DLGAP4: variants seen among roughly 807,000 people sequenced by gnomAD.
The protein encoded by DLGAP4 is DLG associated protein 4.
Under a neutral mutation model 86.9 loss-of-function variants are expected in DLGAP4, and 18 were observed. That is an observed-to-expected ratio of 0.21 (90% confidence interval 0.14 to 0.31). DLGAP4 has a LOEUF of 0.31. Among genes scored for constraint, DLGAP4 ranks in the 10% least tolerant of loss-of-function variants. DLGAP4 has a pLI of 1.00. For missense variants in DLGAP4, 1,085 were observed against 1,362.6 expected, an observed-to-expected ratio of 0.80 and a Z score of 3.21; for synonymous variants, 548 against 574.3, an observed-to-expected ratio of 0.95 and a Z score of 0.65.
intron 7 of DLGAP4, among the ~76,000 whole-genome samples, chr20:36,494,427 T>TTTTA (rs2035794762): frequency 6.6e-6 from 1 of 152,240 alleles, no homozygotes; most frequent in Non-Finnish European, 1.5e-5. Flanking sequence ...TTAAATTAAA[T>TTTTA]TTTATTTTTA....
At chr20:36,349,869 A>T (rs964097805) in intron 1 of DLGAP4, among the ~76,000 whole-genome samples, 1 of 152,198 alleles carries the variant, frequency 6.6e-6, no homozygotes. Context: ...AAATTCCCCA[A>T]GGTATTTCCG....
intron 11 of DLGAP4, chr20:36,525,411 G>A: frequency 9.0e-6 from 2 of 221,164 alleles, no homozygotes; most frequent in Non-Finnish European, 1.8e-5. Context: ...GTGAGTGTTT[G>A]TCTCCAAGAC....
chr20:36,452,715 C>T (rs535781653), intron 7 of DLGAP4, among the ~76,000 whole-genome samples: 9 of 151,188 alleles, frequency 6.0e-5, no homozygotes, highest in South Asian at 2.1e-4. Flanking sequence ...TCATCATGTT[C>T]GCTACGCTGG....
chr20:36,436,431 C>G (rs954372515), intron 4 of DLGAP4, 81 bp downstream of exon 4: 8 of 1,452,624 alleles, frequency 5.5e-6, no homozygotes, highest in Non-Finnish European at 5.4e-6. Flanking sequence ...GGGAGGAGCC[C>G]TGCATTAAAA....
At position 36,442,754 on chromosome 20, in the gene DLGAP4, C is replaced by A; in HGVS notation, c.1384C>A (p.Gln462Lys). The change falls in exon 6 of 13, where the codon CAG becomes AAG. Residue 462 changes from glutamine (Q) to lysine (K), a missense_variant. Around this residue, in one of 2 missense-constraint regions of DLGAP4, gnomAD observed 1,082 missense variants for 1,344.1 expected, o/e 0.81. Transcript: ENST00000339266. Reference protein sequence around the residue: ...QIFGQASLIPQLFGHEQQVRE... With the variant: ...QIFGQASLIPKLFGHEQQVRE... ...TTTTGGACAGGCCTCCCTGATCCCC[C>A]AGTTGTTTGGCCATGAGCAGCAGGT... 6.2e-7 allele frequency: 1 copy of A among 1,614,202 alleles called. No individual in the cohort carries two copies.
intron 10 of DLGAP4, among the ~76,000 whole-genome samples, chr20:36,517,755 A>G (rs1016911608): frequency 8.5e-5 from 13 of 152,102 alleles, no homozygotes; most frequent in Admixed American, 6.5e-4. Flanking sequence ...AATTTATGAT[A>G]TATTATTTTA....
chr20:36,367,459 C>G (rs2030729810), intron 2 of DLGAP4, among the ~76,000 whole-genome samples, 184 bp downstream of exon 2: 1 of 152,216 alleles, frequency 6.6e-6, no homozygotes, highest in South Asian at 2.1e-4. Context: ...CTCCCAACAA[C>G]CAGGAGGTGC....
intron 2 of DLGAP4, among the ~76,000 whole-genome samples, chr20:36,407,511 C>A (rs753951832): frequency 5.9e-5 from 9 of 152,040 alleles, no homozygotes; most frequent in Non-Finnish European, 1.0e-4. Flanking sequence ...GAGAAGACTC[C>A]AGAGTTGCTG....
chr20:36,320,836 C>T (rs1212305039), intron 1 of DLGAP4, among the ~76,000 whole-genome samples: 1 of 152,214 alleles, frequency 6.6e-6, no homozygotes, highest in Non-Finnish European at 1.5e-5. Context: ...CCACATCTCT[C>T]TAACTCTTTA....
intron 2 of DLGAP4, among the ~76,000 whole-genome samples, chr20:36,409,401 T>A (rs1261040885): frequency 2.8e-5 from 3 of 107,626 alleles, no homozygotes; most frequent in Non-Finnish European, 5.5e-5. Context: ...TTTAAGACTT[T>A]TTTTTTTTAA....
rs150817921 is a variant in DLGAP4 at position 36,322,586 on chromosome 20, G to A, written c.-304+16074G>A. On this transcript the variant is annotated intron_variant, in intron 1 of 12. Coordinates refer to ENST00000339266, the MANE Select transcript of DLGAP4 (RefSeq NM_001365621.2). ...AATAAAGTGCGTAGGACAGCACGTG[G>A]CACACAGCAAGTGCTTATAAATGGT... Among the ~76,000 whole-genome samples the A allele has an allele frequency of 2.2e-4, 33 of 152,230 alleles. No homozygotes were observed. In the East Asian group the frequency reaches 6.4e-3, roughly 29 times the overall value.
At chr20:36,351,274 A>G (rs886761219) in intron 1 of DLGAP4, among the ~76,000 whole-genome samples, 2 of 152,118 alleles carry the variant, frequency 1.3e-5, no homozygotes, top group Non-Finnish European at 1.5e-5. Context: ...GGGGTCCCCA[A>G]CCCTTGGGCC....
rs1391514161 is a variant in DLGAP4 at position 36,436,296 on chromosome 20, A to G, written c.1187A>G (p.Gln396Arg). The G allele has an allele frequency of 1.2e-6, 2 of 1,604,512 alleles. No homozygotes were observed. Among genetic ancestry groups the G allele is most frequent in the Non-Finnish European group, 1.7e-6 (2 of 1,179,094 alleles). Residue 396 changes from glutamine to arginine, a missense_variant, in exon 4 of 13, where the codon CAG becomes CGG. Gln to Arg is a conservative substitution (Grantham distance 43). Around this residue, in one of 2 missense-constraint regions of DLGAP4, gnomAD observed 1,082 missense variants for 1,344.1 expected, o/e 0.81. Coordinates refer to ENST00000339266, the MANE Select transcript of DLGAP4 (RefSeq NM_001365621.2). ...KPSPKTAARR[Q>R]SYLRATQQSL... ...TCACCCAAGACCGCGGCGCGGCGCC[A>G]GAGCTATCTGAGGGCCACGCAGCAG...
Position 36,317,284 on chromosome 20 carries a change from C to CTTTCT in DLGAP4, c.-304+10775_-304+10779dup, listed in dbSNP as rs2065115953. On this transcript the variant is annotated intron_variant, in intron 1 of 12. Coordinates refer to ENST00000339266, the MANE Select transcript of DLGAP4 (RefSeq NM_001365621.2). ...CTTTCTTTCTTTCTTTCTTATCTTT[C>CTTTCT]TTTCTTTCTTATCTTTCTTTCTTCC... Among the ~76,000 whole-genome samples, 2 of 9,810 alleles carry CTTTCT rather than the reference C, an allele frequency of 2.0e-4. 1 individual carries two copies. The highest frequency in any genetic ancestry group is 0.016 in the South Asian group (2 of 124). 6.4% of individuals were successfully genotyped at this position (9,810 alleles called of 152,430 possible). A position where few individuals can be genotyped will look rare whatever the true frequency, so the allele number is the denominator to read the frequency against.
chr20:36,374,417 T>C (rs2031070058), intron 2 of DLGAP4, among the ~76,000 whole-genome samples: 2 of 152,230 alleles, frequency 1.3e-5, no homozygotes, highest in South Asian at 4.1e-4. Flanking sequence ...GGAAAAACAA[T>C]GTGTCAAAGT....
intron 1 of DLGAP4, among the ~76,000 whole-genome samples, chr20:36,314,277 G>T (rs1465570825): frequency 6.7e-6 from 1 of 149,918 alleles, no homozygotes; most frequent in Non-Finnish European, 1.5e-5. Flanking sequence ...GAGTGCAGGC[G>T]GGGACAAGGA....
intron 7 of DLGAP4, among the ~76,000 whole-genome samples, chr20:36,474,134 G>A (rs1016972090): frequency 6.6e-6 from 1 of 152,246 alleles, no homozygotes; most frequent in African/African-American, 2.4e-5. Flanking sequence ...AGCTGCTGCT[G>A]TTACTGACAT....
chr20:36,527,101 G>GT lies in DLGAP4; in HGVS notation c.*74dup. 2 of 1,443,110 alleles carry GT rather than the reference G, an allele frequency of 1.4e-6. No homozygotes were observed. The highest frequency in any genetic ancestry group is 2.4e-5 in the East Asian group (1 of 42,374). The allele number at this position is 1,443,110 out of a possible 1,614,324, so 89.4% of individuals were successfully genotyped here. A position where few individuals can be genotyped will look rare whatever the true frequency, so the allele number is the denominator to read the frequency against. ...AAAAACTAAGTGCGAACGGAACAGA[G>GT]TTTTCTCAACCTTTGCTATGGTTAT... is the stretch of plus-strand genomic sequence containing the variant. On this transcript the variant is annotated 3_prime_UTR_variant, in exon 13 of 13. Transcript: ENST00000339266.
Position 36,525,864 on chromosome 20 carries a change from A to G in DLGAP4, c.2618A>G (p.Asn873Ser). The change falls in exon 12 of 13, where the codon AAC (asparagine) becomes AGC (serine). Residue 873 changes from asparagine (N) to serine (S), a missense_variant. By Grantham distance (46) the Asn-to-Ser change is conservative. This residue lies in a region of DLGAP4 where 1,082 missense variants were observed against 1,344.1 expected (regional missense o/e 0.81). Coordinates refer to ENST00000339266, the MANE Select transcript of DLGAP4 (RefSeq NM_001365621.2). ...LCEQNLNPDA[N>S]PRPTAQDLAG... Reference sequence around the variant, plus strand: ...TCTGGCCCACAGAACCCTGATGCCAACCCACGCCCCACAGCCCAGGACCTG... The same window carrying G: ...TCTGGCCCACAGAACCCTGATGCCAGCCCACGCCCCACAGCCCAGGACCTG... The G allele has an allele frequency of 1.2e-6, 2 of 1,613,406 alleles. No individual in the cohort carries two copies. Among genetic ancestry groups the G allele is most frequent in the Non-Finnish European group, 1.7e-6 (2 of 1,179,944 alleles).
Sources: allele counts gnomAD v4.1 joint callset (sites outside exome capture counted in the v4.1 genomes callset), GRCh38; gene constraint gnomAD v4.1.1; regional missense constraint gnomAD v4.1.1; transcripts MANE v1.5; gene names NCBI Gene and HGNC (gene_info 2026-07-23, HGNC 2026-07-21).